Variants in PIGL observed in about 807,000 individuals in gnomAD.
PIGL encodes the protein phosphatidylinositol glycan anchor biosynthesis class L.
Under a neutral mutation model 31.1 loss-of-function variants are expected in PIGL, and 22 were observed. The ratio of observed to expected loss-of-function variants is 0.71; its 90% confidence interval spans 0.51 to 1.01. PIGL has a LOEUF of 1.01. Among genes scored for constraint, PIGL ranks in the 50% least tolerant of loss-of-function variants. The pLI is 0.00. For synonymous variants in PIGL, 131 were observed against 117.4 expected (o/e 1.12, Z -0.75); for missense variants, 302 against 315.9 (o/e 0.96, Z 0.33).
chr17:16,311,965 C>G (rs2093052644), intron 3 of PIGL, among the ~76,000 whole-genome samples: 1 of 152,188 alleles, frequency 6.6e-6, no homozygotes, highest in Non-Finnish European at 1.5e-5. Context: ...TCTCAATGAG[C>G]TGTTGGGTAC....
chr17:16,306,824 C>T (rs971453888), intron 3 of PIGL, among the ~76,000 whole-genome samples: 5 of 152,164 alleles, frequency 3.3e-5, no homozygotes, highest in African/African-American at 7.2e-5. Flanking sequence ...CCACCGCACC[C>T]GGCTGGCTTT....
intron 2 of PIGL, among the ~76,000 whole-genome samples, chr17:16,236,495 C>T (rs866492755): frequency 6.6e-6 from 1 of 152,160 alleles, no homozygotes; most frequent in East Asian, 1.9e-4. Context: ...CTCCAAAGAG[C>T]CTTTGTTTGT....
intron 2 of PIGL, among the ~76,000 whole-genome samples, chr17:16,264,778 C>A (rs1467863543): frequency 6.6e-6 from 1 of 151,682 alleles, no homozygotes; most frequent in Non-Finnish European, 1.5e-5. Flanking sequence ...TCCCAAGTAG[C>A]TGGGATTACA....
chr17:16,221,488 C>A (rs2092628825), intron 1 of PIGL, among the ~76,000 whole-genome samples: 1 of 148,302 alleles, frequency 6.7e-6, no homozygotes, highest in Admixed American at 6.8e-5. Context: ...GTCTCACTGT[C>A]GCCCGGGCTG....
At chr17:16,316,646 T>C in intron 4 of PIGL, 35 bp from the exon 5 acceptor site, 1 of 1,567,492 alleles carries the variant, frequency 6.4e-7, no homozygotes, top group Non-Finnish European at 8.7e-7. Flanking sequence ...GAAATGATCC[T>C]TACTCCTCTC....
chr17:16,270,811 T>G lies in PIGL; in HGVS notation c.336-29077T>G, dbSNP rs1203361163. Among the ~76,000 whole-genome samples the G allele has an allele frequency of 2.0e-5, 3 of 151,744 alleles. No homozygotes were observed. In the South Asian group the frequency reaches 6.2e-4, roughly 32 times the overall value. On this transcript the variant is annotated intron_variant, in intron 2 of 6. Transcript: ENST00000225609. ...ACTCGGGAGGCTGAGGAGAATCACT[T>G]GAACCCGGGAGGCAGAGGTTGCAGT...
At chr17:16,264,431 C>G (rs568532396) in intron 2 of PIGL, among the ~76,000 whole-genome samples, 24 of 151,788 alleles carry the variant, frequency 1.6e-4, no homozygotes, top group Non-Finnish European at 3.2e-4. Flanking sequence ...CAGGTGTGAA[C>G]CACCACACAT....
chr17:16,267,409 A>G (rs548157159), intron 2 of PIGL, among the ~76,000 whole-genome samples: 45 of 152,210 alleles, frequency 3.0e-4, no homozygotes, highest in African/African-American at 9.6e-4. Flanking sequence ...GGAAGGCGGG[A>G]GAGGCAGGCA....
intron 2 of PIGL, among the ~76,000 whole-genome samples, chr17:16,236,828 C>T (rs1361811077): frequency 6.6e-6 from 1 of 152,084 alleles, no homozygotes; most frequent in East Asian, 1.9e-4. Context: ...CTCAGCCTCC[C>T]AAAGTGTTGG....
intron 1 of PIGL, among the ~76,000 whole-genome samples, chr17:16,222,826 G>T (rs1466018057): frequency 6.6e-6 from 1 of 151,660 alleles, no homozygotes; most frequent in Non-Finnish European, 1.5e-5. Context: ...AGCCTGGCCA[G>T]CTTGGTGAAA....
In PIGL at chr17:16,313,566, G is replaced by C. The variant is rs140211194; in HGVS notation, c.446G>C (p.Gly149Ala). 177 of 1,613,826 alleles carry C rather than the reference G, an allele frequency of 1.1e-4. No individual in the cohort carries two copies. Among genetic ancestry groups the C allele is most frequent in the Middle Eastern group, 1.6e-4 (1 of 6,082 alleles). The change falls in exon 4 of 7, where the codon GGG (glycine) becomes GCG (alanine). Residue 149 changes from glycine to alanine, a missense_variant. Transcript: ENST00000225609. Reference protein sequence around the residue: ...GINLVVTFDAGGVSGHSNHIA... With the variant: ...GINLVVTFDAAGVSGHSNHIA... Reference sequence around the variant, plus strand: ...CTACAGGTGGTGACTTTCGATGCAGGGGGAGTAAGTGGCCACAGCAATCAC... The same window carrying C: ...CTACAGGTGGTGACTTTCGATGCAGCGGGAGTAAGTGGCCACAGCAATCAC...
intron 2 of PIGL, among the ~76,000 whole-genome samples, chr17:16,275,967 T>C (rs1013331345): frequency 6.6e-6 from 1 of 152,070 alleles, no homozygotes; most frequent in African/African-American, 2.4e-5. Context: ...GAGTTTGCAG[T>C]GAGCCGAGAT....
chr17:16,246,036 G>T lies in PIGL; in HGVS notation c.335+11966G>T, dbSNP rs1007817071. Among the ~76,000 whole-genome samples the T allele has an allele frequency of 2.0e-5, 3 of 150,590 alleles. No homozygotes were observed. In the East Asian group the frequency reaches 6.1e-4, roughly 30 times the overall value. On this transcript the variant is annotated intron_variant, in intron 2 of 6. Coordinates refer to ENST00000225609, the MANE Select transcript of PIGL (RefSeq NM_004278.4). ...GACGGGGTTTCACCATGTTAGCCAG[G>T]ATGGTCTTGATCTACTGACCTTGTG...
At chr17:16,248,938 ATGGCT>A (rs1238461966) in intron 2 of PIGL, among the ~76,000 whole-genome samples, 7 of 152,114 alleles carry the variant, frequency 4.6e-5, no homozygotes, top group African/African-American at 1.7e-4. Flanking sequence ...TGACTTGCAC[ATGGCT>A]GCCTTCTCAC....
intron 2 of PIGL, among the ~76,000 whole-genome samples, chr17:16,246,129 C>A (rs2092745702): frequency 6.6e-6 from 1 of 151,606 alleles, no homozygotes; most frequent in African/African-American, 2.4e-5. Context: ...GGTCATGGCA[C>A]CTATATTTTT....
At chr17:16,236,936 T>C (rs1437370125) in intron 2 of PIGL, among the ~76,000 whole-genome samples, 1 of 151,850 alleles carries the variant, frequency 6.6e-6, no homozygotes, top group Non-Finnish European at 1.5e-5. Flanking sequence ...TGTATGTTTT[T>C]TATGTGCTTT....
chr17:16,297,127 C>A (rs896768276), intron 2 of PIGL, among the ~76,000 whole-genome samples: 1 of 152,140 alleles, frequency 6.6e-6, no homozygotes, highest in African/African-American at 2.4e-5. Context: ...AAAACTTGAA[C>A]GTGTGACCAA....
intron 2 of PIGL, 92 bp from the exon 3 acceptor site, chr17:16,299,796 C>T: frequency 3.5e-6 from 3 of 863,450 alleles, no homozygotes; most frequent in African/African-American, 3.3e-5. Flanking sequence ...CCCAATGTAA[C>T]TATCATAAAA....
chr17:16,281,414 T>G (rs1036524435), intron 2 of PIGL, among the ~76,000 whole-genome samples: 2 of 152,230 alleles, frequency 1.3e-5, no homozygotes, highest in African/African-American at 4.8e-5. Context: ...ATGCAAGAGA[T>G]TGTTTAACAA....
Sources: gnomAD v4.1 joint callset for allele counts (sites outside exome capture counted in the v4.1 genomes callset) on GRCh38, gnomAD v4.1.1 for gene constraint, MANE v1.5 for transcripts, NCBI Gene and HGNC (gene_info 2026-07-23, HGNC 2026-07-21) for gene names.